The following ANXA6 variants were observed in gnomAD, a reference collection of about 807,000 sequenced individuals.
ANXA6 encodes 67 kDa calelectrin.
ANXA6 carries 71 observed loss-of-function variants against 95.4 expected under a neutral mutation model. That is an observed-to-expected ratio of 0.74 (90% CI 0.61 to 0.91). The LOEUF is 0.91. Ranked by LOEUF, ANXA6 falls within the 40% of genes least tolerant of loss-of-function variation. The probability of loss-of-function intolerance (pLI) is 0.00; values close to 1 mark genes in which losing one functional copy is unlikely to be tolerated. For missense variants in ANXA6, 830 were observed against 876.4 expected (o/e 0.95, Z 0.67); for synonymous variants, 289 against 315.9 (o/e 0.91, Z 0.90).
At chr5:151,127,731 C>T (rs535981236) in intron 13 of ANXA6, among the ~76,000 whole-genome samples, 20 of 152,330 alleles carry the variant, frequency 1.3e-4, no homozygotes, top group African/African-American at 4.1e-4. Context: ...TACCCTTCTG[C>T]GCTGTGGCCT....
chr5:151,141,856 C>T (rs1488245772), intron 2 of ANXA6, among the ~76,000 whole-genome samples: 1 of 152,218 alleles, frequency 6.6e-6, no homozygotes, highest in Non-Finnish European at 1.5e-5. Flanking sequence ...TCAGTGAGCG[C>T]AGGATGGGGG....
chr5:151,138,776 A>T lies in ANXA6; in HGVS notation c.220T>A (p.Leu74Ile), dbSNP rs998657498. 1.2e-6 allele frequency: 2 copies of T among 1,613,580 alleles called. No homozygotes were observed. The change falls in exon 5 of 26, where the codon TTA (leucine) becomes ATA (isoleucine). Residue 74 changes from leucine (L) to isoleucine (I), a missense_variant. Physicochemically the swap from Leu to Ile is conservative, Grantham distance 5. Transcript: ENST00000354546. ...SLYGKDLIAD[L>I]KYELTGKFER... ...AACTTGCCCGTCAATTCATACTTTA[A>T]ATCAGCAATGAGGTCCTGGCAGGTG...
At chr5:151,144,667 G>C (rs534429054) in intron 2 of ANXA6, among the ~76,000 whole-genome samples, 1 of 152,106 alleles carries the variant, frequency 6.6e-6, no homozygotes, top group African/African-American at 2.4e-5. Flanking sequence ...TCTGGAGAAG[G>C]GGCTGAAGTG....
chr5:151,103,870 C>T (rs1764618842), intron 24 of ANXA6, among the ~76,000 whole-genome samples, 178 bp from the exon 25 acceptor site: 1 of 152,200 alleles, frequency 6.6e-6, no homozygotes, highest in Non-Finnish European at 1.5e-5. Flanking sequence ...CCAGGACTGG[C>T]CAGACTGACA....
chr5:151,104,666 G>T (rs977659299), intron 24 of ANXA6, among the ~76,000 whole-genome samples: 5 of 152,192 alleles, frequency 3.3e-5, no homozygotes, highest in Admixed American at 1.3e-4. Flanking sequence ...CCTCCCACCT[G>T]CCCAGGCTAT....
intron 2 of ANXA6, among the ~76,000 whole-genome samples, chr5:151,147,463 C>A (rs1429722494): frequency 6.6e-6 from 1 of 152,210 alleles, no homozygotes; most frequent in Non-Finnish European, 1.5e-5. Context: ...ATGTTGTTTT[C>A]TCCCTGGGCT....
intron 10 of ANXA6, 108 bp from the exon 11 acceptor site, chr5:151,131,397 A>G: frequency 8.8e-7 from 1 of 1,140,070 alleles, no homozygotes; most frequent in East Asian, 2.4e-5. Flanking sequence ...CTAGCTCAAT[A>G]CAGGAAGAAC....
At chr5:151,131,455 C>T (rs17111776) in intron 10 of ANXA6, among the ~76,000 whole-genome samples, 166 bp from the exon 11 acceptor site, 1,656 of 152,316 alleles carry the variant, frequency 0.011, 39 homozygotes, top group African/African-American at 0.038. Flanking sequence ...GACCAACCCA[C>T]TTTTACCGCA....
chr5:151,131,417 T>A, intron 10 of ANXA6, 128 bp from the exon 11 acceptor site: 3 of 943,490 alleles, frequency 3.2e-6, no homozygotes, highest in Non-Finnish European at 5.1e-6. Context: ...CCACCGTTCC[T>A]GATAGCTCAC....
In ANXA6 at chr5:151,109,651, G is replaced by T; in HGVS notation, c.1684+102C>A. On this transcript the variant is annotated intron_variant, in intron 22 of 25. Coordinates refer to ENST00000354546, the MANE Select transcript of ANXA6 (RefSeq NM_001155.5). Reference sequence around the variant, plus strand: ...ACGCTACTGCTGGGTTAAGGAGGAGGTGGGTGGGCAACGGGCTCCTCTTGC... The same window carrying T: ...ACGCTACTGCTGGGTTAAGGAGGAGTTGGGTGGGCAACGGGCTCCTCTTGC... 1.9e-5 allele frequency: 17 copies of T among 879,114 alleles called. No individual in the cohort carries two copies. In the South Asian group the frequency reaches 2.2e-4, roughly 11 times the overall value. The allele number at this position is 879,114 out of a possible 1,614,324, so 54.5% of individuals were successfully genotyped here. A position where few individuals can be genotyped will look rare whatever the true frequency, so the allele number is the denominator to read the frequency against.
At chr5:151,110,596 T>A in intron 21 of ANXA6, 31 bp downstream of exon 21, 3 of 1,611,674 alleles carry the variant, frequency 1.9e-6, no homozygotes, top group Non-Finnish European at 2.5e-6. Flanking sequence ...TCAGAGGCCG[T>A]TAAAACCCAA....
chr5:151,126,739 G>A (rs1021162394), intron 13 of ANXA6, among the ~76,000 whole-genome samples: 9 of 151,810 alleles, frequency 5.9e-5, no homozygotes, highest in Admixed American at 1.3e-4. Flanking sequence ...TATTTGAGAC[G>A]GAGTTTTGCT....
At chr5:151,128,946 CAAAAA>C (rs372400204) in intron 12 of ANXA6, among the ~76,000 whole-genome samples, 1 of 127,786 alleles carries the variant, frequency 7.8e-6, no homozygotes, top group Non-Finnish European at 1.7e-5. Context: ...TTCAGTCATC[CAAAAA>C]AAAAAAAAAA....
In ANXA6 at chr5:151,117,851, AG is replaced by A; in HGVS notation, c.1439-15del. On this transcript the variant is annotated splice_polypyrimidine_tract_variant and intron_variant, in intron 18 of 25. Coordinates refer to ENST00000354546, the MANE Select transcript of ANXA6 (RefSeq NM_001155.5). The stretch of plus-strand genomic sequence containing the variant: ...ACTTGTGATAGTCTGAGGCAGAGAA[AG>A]GGGGTGTGGGTAGCTGCTGGCCAAG... 1 of 1,609,974 alleles carries A rather than the reference AG, an allele frequency of 6.2e-7. No homozygotes were observed. The highest frequency in any genetic ancestry group is 8.5e-7 in the Non-Finnish European group (1 of 1,176,554).
chr5:151,101,334 C>CT lies in ANXA6; in HGVS notation c.*113dup. ...TGAAGATAAGAGCCCAACCCAACCC[C>CT]TCCCCCCACCCCTGCCCCTTCCTTA... On this transcript the variant is annotated 3_prime_UTR_variant, in exon 26 of 26. Coordinates refer to ENST00000354546, the MANE Select transcript of ANXA6 (RefSeq NM_001155.5). 5.8e-6 allele frequency: 2 copies of CT among 347,108 alleles called. No individual in the cohort carries two copies. The highest frequency in any genetic ancestry group is 2.2e-5 in the South Asian group (1 of 44,796). 21.5% of individuals were successfully genotyped at this position (347,108 alleles called of 1,614,324 possible).
At chr5:151,103,224 T>G (rs544064645) in intron 25 of ANXA6, among the ~76,000 whole-genome samples, 1 of 152,342 alleles carries the variant, frequency 6.6e-6, no homozygotes, top group African/African-American at 2.4e-5. Context: ...CTTGAACTCC[T>G]GACCTCAAGT....
rs552501627 is a variant in ANXA6, at chr5:151,120,442, C to T, written c.1348-1052G>A. On this transcript the variant is annotated intron_variant, in intron 17 of 25. Transcript: ENST00000354546. ...AAAAAAAAAAAAAAAAAAGTCCGGG[C>T]GTGGTGGCTCACACCTGTAATCCCA... 5.6e-4 allele frequency among the ~76,000 whole-genome samples: 82 copies of T among 145,682 alleles called. 2 individuals carry two copies. The highest frequency in any genetic ancestry group is 3.7e-3 in the Middle Eastern group (1 of 272).
At chr5:151,107,113 G>A (rs562699260) in intron 23 of ANXA6, among the ~76,000 whole-genome samples, 1 of 152,160 alleles carries the variant, frequency 6.6e-6, no homozygotes, top group South Asian at 2.1e-4. Flanking sequence ...AAATAAGCTG[G>A]TTAAGAGCAC....
chr5:151,154,672 A>AC (rs1359370979), intron 1 of ANXA6, among the ~76,000 whole-genome samples: 2 of 152,020 alleles, frequency 1.3e-5, no homozygotes, highest in African/African-American at 4.8e-5. Context: ...GCGTGGGCAC[A>AC]CCCCCCAGCT....
Sources: allele counts gnomAD v4.1 joint callset (sites outside exome capture counted in the v4.1 genomes callset), GRCh38; gene constraint gnomAD v4.1.1; transcripts MANE v1.5; gene names NCBI Gene and HGNC (gene_info 2026-07-23, HGNC 2026-07-21).